The following LOC128462377 variants were observed in gnomAD, a reference collection of about 807,000 sequenced individuals.
chr16:89,405,965 C>A, the LOC128462377 span, among the ~76,000 whole-genome samples: 4 of 152,048 alleles, frequency 2.6e-5, no homozygotes, highest in Non-Finnish European at 5.9e-5. Flanking sequence ...CAAAAACTTA[C>A]CGGGCGTGGT....
At chr16:89,405,488 CTCA>C in the LOC128462377 span, among the ~76,000 whole-genome samples, 2 of 147,506 alleles carry the variant, frequency 1.4e-5, no homozygotes, top group African/African-American at 5.1e-5. Context: ...CCACACCTGG[CTCA>C]TTTTTTTTTT....
At chr16:89,323,598 T>TAA in the LOC128462377 span, among the ~76,000 whole-genome samples, 2 of 72,674 alleles carry the variant, frequency 2.8e-5, no homozygotes, top group African/African-American at 8.4e-5. Context: ...GCAGGGGGGC[T>TAA]GAGCCCGGGG....
chr16:89,413,579 C>T, the LOC128462377 span, among the ~76,000 whole-genome samples: 667 of 152,140 alleles, frequency 4.4e-3, 8 homozygotes, highest in African/African-American at 0.015. Flanking sequence ...GAGCCGAGGT[C>T]GCACCACTGC....
the LOC128462377 span, among the ~76,000 whole-genome samples, chr16:89,358,781 C>G: frequency 6.6e-6 from 1 of 152,040 alleles, no homozygotes; most frequent in African/African-American, 2.4e-5. Flanking sequence ...TCCCCTGTGC[C>G]GCTAAAACCC....
chr16:89,324,278 G>C, the LOC128462377 span: 1 of 1,248,054 alleles, frequency 8.0e-7, no homozygotes, highest in African/African-American at 1.5e-5. Flanking sequence ...CAGGAGCCCC[G>C]TGCTCCGGAA....
At chr16:89,407,108 C>T in the LOC128462377 span, among the ~76,000 whole-genome samples, 2 of 151,890 alleles carry the variant, frequency 1.3e-5, no homozygotes, top group African/African-American at 4.8e-5. Context: ...AGCCCAGGTA[C>T]TCGGGAGGCG....
At chr16:89,388,928 C>G in the LOC128462377 span, among the ~76,000 whole-genome samples, 1 of 152,166 alleles carries the variant, frequency 6.6e-6, no homozygotes, top group Non-Finnish European at 1.5e-5. Context: ...TATGTGGATC[C>G]CAGAACAAAG....
chr16:89,386,017 C>A, the LOC128462377 span, among the ~76,000 whole-genome samples: 1 of 152,244 alleles, frequency 6.6e-6, no homozygotes, highest in African/African-American at 2.4e-5. Context: ...GTAGCTGGGA[C>A]CACGGGTGTG....
chr16:89,411,802 T>TG, the LOC128462377 span, among the ~76,000 whole-genome samples: 1 of 151,928 alleles, frequency 6.6e-6, no homozygotes, highest in East Asian at 1.9e-4. Flanking sequence ...TATTCTAGAG[T>TG]GGGGAAAAAA....
the LOC128462377 span, among the ~76,000 whole-genome samples, chr16:89,322,767 C>G: frequency 1.3e-5 from 2 of 152,124 alleles, no homozygotes; most frequent in Admixed American, 6.6e-5. Flanking sequence ...CTGGGCACAG[C>G]CCCGCATGGT....
the LOC128462377 span, among the ~76,000 whole-genome samples, chr16:89,343,271 G>A: frequency 1.3e-5 from 2 of 152,258 alleles, no homozygotes. Context: ...GGGATTACAG[G>A]TGTGAGCCAC....
chr16:89,324,388 T>C, the LOC128462377 span: 2 of 619,508 alleles, frequency 3.2e-6, no homozygotes, highest in Admixed American at 4.7e-5. Context: ...GGGCGCAAAG[T>C]TCTCAGCTTC....
the LOC128462377 span, among the ~76,000 whole-genome samples, chr16:89,375,842 C>G: frequency 0.51 from 76,525 of 150,924 alleles, 20,349 homozygotes; most frequent in Middle Eastern, 0.69. Flanking sequence ...TACCATAAAC[C>G]CTAAATGACA....
the LOC128462377 span, among the ~76,000 whole-genome samples, chr16:89,335,249 C>A: frequency 6.6e-6 from 1 of 152,156 alleles, no homozygotes; most frequent in Non-Finnish European, 1.5e-5. Context: ...GTGACAGCCT[C>A]ACACCACCCC....
At chr16:89,349,662 G>C in the LOC128462377 span, among the ~76,000 whole-genome samples, 1 of 152,042 alleles carries the variant, frequency 6.6e-6, no homozygotes, top group Admixed American at 6.6e-5. Flanking sequence ...TTTCATAATT[G>C]AAGTAAATAT....
the LOC128462377 span, among the ~76,000 whole-genome samples, chr16:89,383,924 C>G: frequency 3.3e-5 from 5 of 152,216 alleles, no homozygotes; most frequent in Admixed American, 3.3e-4. Flanking sequence ...AACTCACCTC[C>G]CACTGACGAA....
the LOC128462377 span, among the ~76,000 whole-genome samples, chr16:89,318,026 C>T: frequency 6.6e-6 from 1 of 152,230 alleles, no homozygotes; most frequent in Non-Finnish European, 1.5e-5. Context: ...GAACTATTTG[C>T]TCTGCCCCGT....
the LOC128462377 span, among the ~76,000 whole-genome samples, chr16:89,359,852 A>C: frequency 6.6e-6 from 1 of 152,178 alleles, no homozygotes; most frequent in Non-Finnish European, 1.5e-5. Context: ...AACCCTAAGA[A>C]CAGAGAGTGC....
At chr16:89,371,667 C>T in the LOC128462377 span, among the ~76,000 whole-genome samples, 5 of 152,128 alleles carry the variant, frequency 3.3e-5, no homozygotes, top group African/African-American at 9.7e-5. Context: ...GATGCAGACT[C>T]CCCCCTGCAC....
Sources: gnomAD v4.1 joint callset for allele counts (sites outside exome capture counted in the v4.1 genomes callset) on GRCh38, gnomAD v4.1.1 for gene constraint, MANE v1.5 for transcripts.